SULF1: variants seen among roughly 807,000 people sequenced by gnomAD.
SULF1 encodes the protein extracellular sulfatase Sulf-1.
A neutral mutation model predicts 110.5 loss-of-function variants in SULF1; 46 were observed. That is an observed-to-expected ratio of 0.42 (90% CI 0.33 to 0.53). The LOEUF is 0.53. Ranked by LOEUF, SULF1 falls within the 20% of genes least tolerant of loss-of-function variation. The pLI is 0.12. For missense variants in SULF1, 941 were observed against 1,094.2 expected (o/e 0.86, Z 1.98); for synonymous variants, 371 against 387.1 (o/e 0.96, Z 0.49).
chr8:69,647,690 C>A (rs968705833), intron 22 of SULF1, among the ~76,000 whole-genome samples: 2 of 151,926 alleles, frequency 1.3e-5, no homozygotes, highest in Non-Finnish European at 2.9e-5. Context: ...TCACCTCGTT[C>A]GAGACCAGCC....
chr8:69,566,575 G>T (rs1469211345), intron 5 of SULF1, among the ~76,000 whole-genome samples: 1 of 152,150 alleles, frequency 6.6e-6, no homozygotes, highest in African/African-American at 2.4e-5. Context: ...CATTGGCTGG[G>T]TGTGGTCATT....
intron 3 of SULF1, among the ~76,000 whole-genome samples, chr8:69,544,265 GTTTT>G (rs367601968): frequency 1.4e-5 from 2 of 147,010 alleles, no homozygotes; most frequent in African/African-American, 5.4e-5. Context: ...TTTTTTGTTT[GTTTT>G]TTTGTTTGTT....
chr8:69,618,400 T>C (rs1000497220), intron 13 of SULF1, among the ~76,000 whole-genome samples: 1 of 152,260 alleles, frequency 6.6e-6, no homozygotes, highest in African/African-American at 2.4e-5. Context: ...GAATAACTAC[T>C]AATTACATAG....
At chr8:69,656,472 C>G (rs959049300) in intron 22 of SULF1, among the ~76,000 whole-genome samples, 14 of 152,176 alleles carry the variant, frequency 9.2e-5, no homozygotes, top group African/African-American at 3.4e-4. Context: ...CTCTCTTTCT[C>G]CCAACAACCC....
intron 3 of SULF1, among the ~76,000 whole-genome samples, chr8:69,502,355 C>T (rs1301249143): frequency 6.6e-6 from 1 of 152,196 alleles, no homozygotes; most frequent in African/African-American, 2.4e-5. Context: ...GGAGTGAAAG[C>T]TGTACAGATA....
At chr8:69,557,394 G>A (rs1206150111) in intron 3 of SULF1, among the ~76,000 whole-genome samples, 1 of 152,136 alleles carries the variant, frequency 6.6e-6, no homozygotes, top group Admixed American at 6.5e-5. Context: ...AAAGAAGCTG[G>A]ACAAATTTTA....
At chr8:69,547,554 T>C (rs1215865231) in intron 3 of SULF1, among the ~76,000 whole-genome samples, 2 of 152,162 alleles carry the variant, frequency 1.3e-5, no homozygotes, top group East Asian at 3.9e-4. Flanking sequence ...GTGGGGTTTG[T>C]TTTCATTTGA....
intron 3 of SULF1, among the ~76,000 whole-genome samples, chr8:69,523,119 G>T (rs1346509239): frequency 6.6e-6 from 1 of 152,180 alleles, no homozygotes; most frequent in East Asian, 1.9e-4. Context: ...TATTGCTGGA[G>T]CTGTGGTTCT....
Position 69,627,200 on chromosome 8 carries a change from T to A in SULF1, c.1851-10T>A. 6.2e-7 allele frequency: 1 copy of A among 1,609,582 alleles called. No individual in the cohort carries two copies. Among genetic ancestry groups the A allele is most frequent in the Non-Finnish European group, 8.5e-7 (1 of 1,176,132 alleles). On this transcript the variant is annotated splice_polypyrimidine_tract_variant and intron_variant, in intron 15 of 22. Transcript: ENST00000402687. ...AAACCTATTTCACATGGTTTTGGTT[T>A]GTTTTGCAGGTGTTTTATTCTTCCC...
intron 9 of SULF1, 23 bp downstream of exon 9, chr8:69,600,776 G>A (rs767523208): frequency 6.2e-7 from 1 of 1,604,812 alleles, no homozygotes; most frequent in Middle Eastern, 1.7e-4. Flanking sequence ...ACCTACCTCA[G>A]TGATAGTTTT....
chr8:69,641,392 A>G (rs952976181), intron 22 of SULF1, among the ~76,000 whole-genome samples: 1 of 152,164 alleles, frequency 6.6e-6, no homozygotes, highest in African/African-American at 2.4e-5. Context: ...AAAGCTCTGC[A>G]GAGAGGTGGT....
intron 2 of SULF1, among the ~76,000 whole-genome samples, chr8:69,497,758 G>T (rs1810468234): frequency 6.6e-6 from 1 of 152,000 alleles, no homozygotes; most frequent in Non-Finnish European, 1.5e-5. Context: ...CTGAACAACG[G>T]GGACAACCAA....
In SULF1 at chr8:69,658,793, C is replaced by G; in HGVS notation, c.*258C>G. 1.6e-6 allele frequency: 1 copy of G among 634,976 alleles called. No individual in the cohort carries two copies. Among genetic ancestry groups the G allele is most frequent in the Middle Eastern group, 2.5e-4 (1 of 4,032 alleles). The allele number at this position is 634,976 out of a possible 1,614,324, so 39.3% of individuals were successfully genotyped here. Reference sequence around the variant, plus strand: ...CACGCTGTGTCAATGGAGATGGCCTCTGCTGACTCAGATGAAGACCCAAGG... The same window carrying G: ...CACGCTGTGTCAATGGAGATGGCCTGTGCTGACTCAGATGAAGACCCAAGG... On this transcript the variant is annotated 3_prime_UTR_variant, in exon 23 of 23. Transcript: ENST00000402687.
At chr8:69,649,973 T>C (rs1332477791) in intron 22 of SULF1, among the ~76,000 whole-genome samples, 2 of 19,402 alleles carry the variant, frequency 1.0e-4, no homozygotes, top group African/African-American at 7.2e-4. Flanking sequence ...TCCTGCTTGC[T>C]TTTTTTTTTT....
chr8:69,515,251 T>C (rs1458120089), intron 3 of SULF1, among the ~76,000 whole-genome samples: 1 of 151,862 alleles, frequency 6.6e-6, no homozygotes, highest in East Asian at 1.9e-4. Flanking sequence ...TGGTGGAAGC[T>C]CCCATACCTC....
chr8:69,520,656 A>C (rs186758995), intron 3 of SULF1, among the ~76,000 whole-genome samples: 2 of 152,084 alleles, frequency 1.3e-5, no homozygotes, highest in African/African-American at 4.8e-5. Flanking sequence ...TTTTTCCAAC[A>C]TTTCCCCCTT....
In SULF1 at chr8:69,659,175, T is replaced by G; in HGVS notation, c.*640T>G. On this transcript the variant is annotated 3_prime_UTR_variant, in exon 23 of 23. Transcript: ENST00000402687. Reference sequence around the variant, plus strand: ...CTGTGCATTCCGATGGAATTTCAGTTCATCAGATGTTCACCATGGCCACCG... The same window carrying G: ...CTGTGCATTCCGATGGAATTTCAGTGCATCAGATGTTCACCATGGCCACCG... The G allele has an allele frequency of 2.2e-6, 1 of 456,804 alleles. No individual in the cohort carries two copies. Among genetic ancestry groups the G allele is most frequent in the Non-Finnish European group, 4.4e-6 (1 of 227,004 alleles). 28.3% of individuals were successfully genotyped at this position (456,804 alleles called of 1,614,324 possible). A position where few individuals can be genotyped will look rare whatever the true frequency, so the allele number is the denominator to read the frequency against.
intron 8 of SULF1, among the ~76,000 whole-genome samples, chr8:69,590,779 T>C (rs1444950860): frequency 6.6e-6 from 1 of 152,216 alleles, no homozygotes; most frequent in Non-Finnish European, 1.5e-5. Context: ...ATATTTAAGC[T>C]TCTGAAGATC....
intron 3 of SULF1, among the ~76,000 whole-genome samples, chr8:69,510,846 A>G (rs1363522647): frequency 6.6e-6 from 1 of 151,710 alleles, no homozygotes. Flanking sequence ...CGAACTCCTG[A>G]CCTCAAGTGA....
Sources: gnomAD v4.1 joint callset for allele counts (sites outside exome capture counted in the v4.1 genomes callset) on GRCh38, gnomAD v4.1.1 for gene constraint, MANE v1.5 for transcripts, NCBI Gene and HGNC (gene_info 2026-07-23, HGNC 2026-07-21) for gene names.